Variants in PAK2 observed in about 807,000 individuals in gnomAD.
The protein encoded by PAK2 is serine/threonine-protein kinase PAK 2.
In PAK2, 21 loss-of-function variants were observed where a neutral mutation model predicts 65.9. The ratio of observed to expected loss-of-function variants is 0.32; its 90% CI spans 0.23 to 0.46. The LOEUF is 0.46. Among genes scored for constraint, PAK2 ranks in the 20% least tolerant of loss-of-function variants. PAK2 has a pLI of 1.00. For missense variants in PAK2, 324 were observed against 642.6 expected (o/e 0.50, Z 5.36); for synonymous variants, 204 against 219.7 (o/e 0.93, Z 0.63).
At chr3:196,825,039 TAGTC>T (rs1041268566) in intron 13 of PAK2, among the ~76,000 whole-genome samples, 7 of 152,154 alleles carry the variant, frequency 4.6e-5, no homozygotes, top group Non-Finnish European at 8.8e-5. Flanking sequence ...TCTAAAAAAT[TAGTC>T]AGTTAAAAAT....
Position 196,817,979 on chromosome 3 carries a change from C to T in PAK2, c.1054-78C>T, listed in dbSNP as rs1711526752. 8.2e-6 allele frequency: 5 copies of T among 610,814 alleles called. No homozygotes were observed. In the South Asian group the frequency reaches 1.1e-4, roughly 14 times the overall value. 37.8% of individuals were successfully genotyped at this position (610,814 alleles called of 1,614,324 possible). ...TCTGCTGGGCACTGGAAGCAATGCT[C>T]AGGCCATAGCTACTGCATGTGCCTC... On this transcript the variant is annotated intron_variant, in intron 11 of 14. Transcript: ENST00000327134.
chr3:196,802,126 C>T (rs772005962), intron 3 of PAK2, 99 bp downstream of exon 3: 4 of 727,756 alleles, frequency 5.5e-6, no homozygotes, highest in East Asian at 2.6e-5. Context: ...AGGCCAGGTG[C>T]GGTGGCACAC....
At chr3:196,751,663 T>TA (rs1713589849) in intron 1 of PAK2, among the ~76,000 whole-genome samples, 1,345 of 45,542 alleles carry the variant, frequency 0.03, 162 homozygotes, top group African/African-American at 0.063. Flanking sequence ...ACACACAAAT[T>TA]TATTTATATA....
At chr3:196,822,232 A>G (rs1322236417) in intron 13 of PAK2, among the ~76,000 whole-genome samples, 3 of 152,238 alleles carry the variant, frequency 2.0e-5, no homozygotes, top group Non-Finnish European at 2.9e-5. Context: ...ACTATTCACA[A>G]TGCTGTCTAA....
intron 2 of PAK2, among the ~76,000 whole-genome samples, chr3:196,799,343 G>C (rs376528549): frequency 6.0e-4 from 92 of 152,292 alleles, no homozygotes; most frequent in African/African-American, 2.0e-3. Flanking sequence ...AACAGTGTGC[G>C]CTCTGCACTG....
At chr3:196,742,957 C>G (rs1470891654) in intron 1 of PAK2, among the ~76,000 whole-genome samples, 4 of 152,166 alleles carry the variant, frequency 2.6e-5, no homozygotes, top group Admixed American at 2.6e-4. Flanking sequence ...GGGTCAACTT[C>G]AAGACTTTAA....
At chr3:196,814,590 T>C (rs758152364) in intron 11 of PAK2, 22 bp downstream of exon 11, 1 of 926,530 alleles carries the variant, frequency 1.1e-6, no homozygotes, top group South Asian at 1.3e-5. Context: ...TCCTTCTTGA[T>C]ATGTTATGGT....
chr3:196,762,186 G>A (rs865994386), intron 1 of PAK2, among the ~76,000 whole-genome samples: 1,151 of 104,630 alleles, frequency 0.011, 201 homozygotes, highest in African/African-American at 0.035. Context: ...GATGGTGGCC[G>A]GGCGCAGACG....
intron 2 of PAK2, among the ~76,000 whole-genome samples, chr3:196,792,914 G>A (rs1325569494): frequency 2.0e-5 from 3 of 152,114 alleles, no homozygotes; most frequent in Non-Finnish European, 4.4e-5. Context: ...TGGAAAATTG[G>A]CACCTGACTC....
At chr3:196,794,602 T>C (rs73891509) in intron 2 of PAK2, among the ~76,000 whole-genome samples, 91 of 152,312 alleles carry the variant, frequency 6.0e-4, no homozygotes, top group African/African-American at 2.1e-3. Context: ...GTCCCTGCCT[T>C]AGCCCACAGG....
In PAK2 at chr3:196,804,832, T is replaced by TATATATATATATATATATACAC. The variant is rs1168767763; in HGVS notation, c.437-507_437-506insTATATACACATATATATATATA. ...ATATATATATATATATATACACATA[T>TATATATATATATATATATACAC]ATATATATATATACACACACACATA... On this transcript the variant is annotated intron_variant, in intron 4 of 14. Transcript: ENST00000327134. 5.0e-5 allele frequency among the ~76,000 whole-genome samples: 4 copies of TATATATATATATATATATACAC among 80,406 alleles called. No individual in the cohort carries two copies. In the Admixed American group the frequency reaches 5.8e-4, roughly 12 times the overall value. 52.7% of individuals were successfully genotyped at this position (80,406 alleles called of 152,430 possible). A position where few individuals can be genotyped will look rare whatever the true frequency, so the allele number is the denominator to read the frequency against.
chr3:196,753,785 CT>C (rs1238928972), intron 1 of PAK2, among the ~76,000 whole-genome samples: 1 of 151,976 alleles, frequency 6.6e-6, no homozygotes, highest in Non-Finnish European at 1.5e-5. Context: ...AGGAATTTTC[CT>C]TTTTCTTTTT....
At chr3:196,803,863 T>C (rs1715495616) in intron 4 of PAK2, among the ~76,000 whole-genome samples, 1 of 152,226 alleles carries the variant, frequency 6.6e-6, no homozygotes, top group Admixed American at 6.5e-5. Context: ...TGAATTGGTA[T>C]ATAGTGTAAG....
At chr3:196,813,657 A>ACTAGGG (rs1377320777) in intron 10 of PAK2, among the ~76,000 whole-genome samples, 1 of 152,052 alleles carries the variant, frequency 6.6e-6, no homozygotes, top group Admixed American at 6.6e-5. Flanking sequence ...TGTTCATAGA[A>ACTAGGG]ATAAACTTTT....
At chr3:196,809,973 A>G (rs1577738542) in intron 7 of PAK2, among the ~76,000 whole-genome samples, 1 of 152,160 alleles carries the variant, frequency 6.6e-6, no homozygotes, top group East Asian at 1.9e-4. Flanking sequence ...GAACTTTCCT[A>G]AAACAAACAT....
intron 1 of PAK2, among the ~76,000 whole-genome samples, chr3:196,744,324 GAAC>G: frequency 6.6e-6 from 1 of 152,270 alleles, no homozygotes; most frequent in South Asian, 2.1e-4. Context: ...TAACAAACTG[GAAC>G]AGTGGTTTTG....
intron 5 of PAK2, 103 bp from the exon 6 acceptor site, chr3:196,806,476 A>G (rs1312304369): frequency 2.9e-6 from 2 of 687,778 alleles, no homozygotes; most frequent in Non-Finnish European, 5.4e-6. Flanking sequence ...TTTTGAAATG[A>G]GCTATCAAAG....
At chr3:196,771,781 C>T (rs573752581) in intron 1 of PAK2, among the ~76,000 whole-genome samples, 1 of 152,254 alleles carries the variant, frequency 6.6e-6, no homozygotes, top group East Asian at 1.9e-4. Flanking sequence ...TGGTCTCGAA[C>T]TCCCGACCTC....
At chr3:196,804,455 G>A (rs749822157) in intron 4 of PAK2, among the ~76,000 whole-genome samples, 17 of 150,278 alleles carry the variant, frequency 1.1e-4, no homozygotes, top group African/African-American at 2.3e-4. Context: ...GTGTGCGCAC[G>A]CGCGTGCGTG....
Sources: allele counts gnomAD v4.1 joint callset (sites outside exome capture counted in the v4.1 genomes callset), GRCh38; gene constraint gnomAD v4.1.1; transcripts MANE v1.5; gene names NCBI Gene and HGNC (gene_info 2026-07-23, HGNC 2026-07-21).